ITIH2: variants seen among roughly 807,000 people sequenced by gnomAD.
ITIH2 encodes the protein inter-alpha-trypsin inhibitor heavy chain 2.
ITIH2 carries 103 observed loss-of-function variants against 104.4 expected under a neutral mutation model. The observed-to-expected ratio is 0.99, with a 90% CI of 0.84 to 1.16. The LOEUF (loss-of-function observed/expected upper bound fraction) is 1.16, where lower values mean the gene tolerates loss of function less well. Among genes scored for constraint, ITIH2 ranks in the 50% most tolerant of loss-of-function variants. The pLI, the probability that ITIH2 is intolerant of heterozygous loss-of-function variation, is 0.00. For missense variants in ITIH2, 1,108 were observed against 1,162.4 expected (o/e 0.95, Z 0.68); for synonymous variants, 436 against 435.4 (o/e 1.00, Z -0.02).
At chr10:7,745,434 A>G (rs1835167080) in intron 19 of ITIH2, among the ~76,000 whole-genome samples, 1 of 151,938 alleles carries the variant, frequency 6.6e-6, no homozygotes, top group Non-Finnish European at 1.5e-5. Context: ...TTTACTTACA[A>G]TCCACTAGAC....
chr10:7,709,220 T>C, intron 4 of ITIH2, 29 bp downstream of exon 4: 2 of 1,597,874 alleles, frequency 1.3e-6, no homozygotes, highest in Non-Finnish European at 1.7e-6. Flanking sequence ...GAGCCAGAAA[T>C]TGTAGGTGCT....
intron 13 of ITIH2, 79 bp downstream of exon 13, chr10:7,732,075 C>A: frequency 1.7e-6 from 2 of 1,170,152 alleles, no homozygotes; most frequent in Non-Finnish European, 2.5e-6. Flanking sequence ...GCTCTGCCTG[C>A]CTGGAATCAT....
At chr10:7,730,393 G>A (rs905625364) in intron 12 of ITIH2, among the ~76,000 whole-genome samples, 3 of 152,218 alleles carry the variant, frequency 2.0e-5, no homozygotes, top group Non-Finnish European at 4.4e-5. Flanking sequence ...AAGGCCTTCT[G>A]AGCGTCATCA....
chr10:7,745,019 C>T (rs1049447772), intron 19 of ITIH2, 56 bp downstream of exon 19: 1 of 1,493,664 alleles, frequency 6.7e-7, no homozygotes, highest in Non-Finnish European at 9.3e-7. Context: ...TCTTTAGCAG[C>T]TTTGGTTGAC....
intron 4 of ITIH2, among the ~76,000 whole-genome samples, chr10:7,709,444 G>A (rs1410866902): frequency 2.6e-5 from 4 of 152,006 alleles, no homozygotes; most frequent in African/African-American, 9.7e-5. Context: ...ATACTTACTT[G>A]CATTTTAATA....
At chr10:7,731,656 C>T (rs965157161) in intron 12 of ITIH2, among the ~76,000 whole-genome samples, 155 bp from the exon 13 acceptor site, 9 of 151,928 alleles carry the variant, frequency 5.9e-5, no homozygotes, top group South Asian at 2.1e-4. Context: ...ACCCAGGAGC[C>T]GGAGATTGCA....
intron 15 of ITIH2, among the ~76,000 whole-genome samples, chr10:7,736,599 T>C (rs2130959384): frequency 6.6e-6 from 1 of 152,260 alleles, no homozygotes; most frequent in South Asian, 2.1e-4. Flanking sequence ...CTGAACCTGG[T>C]CTGATTAATA....
At chr10:7,738,878 C>G in intron 16 of ITIH2, 120 bp downstream of exon 16, 5 of 914,530 alleles carry the variant, frequency 5.5e-6, no homozygotes, top group Non-Finnish European at 7.9e-6. Flanking sequence ...TTTGGGAGGC[C>G]AAGGCAGGCA....
intron 19 of ITIH2, among the ~76,000 whole-genome samples, chr10:7,745,785 T>C (rs905495170): frequency 2.0e-5 from 3 of 150,922 alleles, no homozygotes; most frequent in Non-Finnish European, 3.0e-5. Context: ...ATGGAGTTTC[T>C]CTCTTGTTGC....
chr10:7,736,710 C>T (rs971527305), intron 15 of ITIH2, among the ~76,000 whole-genome samples: 1 of 152,078 alleles, frequency 6.6e-6, no homozygotes, highest in Admixed American at 6.5e-5. Context: ...TAATCTCTTA[C>T]TGGGAAAAAT....
intron 5 of ITIH2, among the ~76,000 whole-genome samples, chr10:7,715,708 G>C (rs1386991805): frequency 6.6e-6 from 1 of 152,158 alleles, no homozygotes; most frequent in Non-Finnish European, 1.5e-5. Flanking sequence ...CCCTTAGGCT[G>C]ATTGTGCAAC....
intron 11 of ITIH2, among the ~76,000 whole-genome samples, chr10:7,728,776 G>A (rs779576605): frequency 8.6e-5 from 13 of 152,032 alleles, no homozygotes; most frequent in African/African-American, 2.7e-4. Flanking sequence ...GTGTGCTGTC[G>A]TACAGACTAG....
intron 16 of ITIH2, 46 bp downstream of exon 16, chr10:7,738,804 T>C (rs747145746): frequency 6.6e-7 from 1 of 1,523,406 alleles, no homozygotes; most frequent in South Asian, 1.3e-5. Flanking sequence ...CAGCCGACCA[T>C]AATCCTGGGA....
intron 2 of ITIH2, among the ~76,000 whole-genome samples, chr10:7,705,567 T>C (rs771995259): frequency 6.6e-6 from 1 of 151,976 alleles, no homozygotes; most frequent in Non-Finnish European, 1.5e-5. Flanking sequence ...ATATATTAGC[T>C]GGCATGCACC....
chr10:7,744,521 A>T (rs1346853621), intron 18 of ITIH2, among the ~76,000 whole-genome samples: 1 of 152,210 alleles, frequency 6.6e-6, no homozygotes, highest in Non-Finnish European at 1.5e-5. Flanking sequence ...CTCACTGTGT[A>T]TGTGCTAATC....
rs111264192 is a variant in ITIH2 at position 7,720,930 on chromosome 10, T to C, written c.705T>C (p.Asp235=). Residue 235 remains aspartate, a synonymous_variant, in exon 7 of 21, where the codon GAT becomes GAC. Coordinates refer to ENST00000358415, the MANE Select transcript of ITIH2 (RefSeq NM_002216.3). ...CCGACACATTTGAAGGCCATTTCGA[T>C]GGTGTTCCGGTCATTTCTAAAGGAC... is the stretch of plus-strand genomic sequence containing the variant. The part of the protein sequence containing the change: ...HVPDTFEGHF[D]GVPVISKGQQ... The C allele has an allele frequency of 6.2e-7, 1 of 1,613,618 alleles. No individual in the cohort carries two copies. Among genetic ancestry groups the C allele is most frequent in the Non-Finnish European group, 8.5e-7 (1 of 1,179,532 alleles).
intron 1 of ITIH2, among the ~76,000 whole-genome samples, chr10:7,704,582 A>G (rs1173581758): frequency 1.3e-5 from 2 of 152,154 alleles, no homozygotes; most frequent in Non-Finnish European, 2.9e-5. Flanking sequence ...CTGTCTTACC[A>G]CCTGCTGGCA....
chr10:7,733,850 C>T (rs908975049), intron 14 of ITIH2, among the ~76,000 whole-genome samples: 9 of 151,930 alleles, frequency 5.9e-5, no homozygotes, highest in Admixed American at 5.3e-4. Flanking sequence ...TATGACTGAA[C>T]TCATAGAGAA....
At position 7,738,724 on chromosome 10, in the gene ITIH2, G is replaced by T. The variant is rs772058865; in HGVS notation, c.2061G>T (p.Val687=). The T allele has an allele frequency of 1.1e-5, 17 of 1,613,224 alleles. 1 individual carries two copies. In the South Asian group the frequency reaches 1.6e-4, roughly 16 times the overall value. ...VISMLAQGSQ[V]LESTPPPHVM... The stretch of plus-strand genomic sequence containing the variant: ...CCATGCTGGCACAAGGATCTCAGGT[G>T]CTAGAGTCCACGCCACCCCCACATG... The change falls in exon 16 of 21, where the codon GTG becomes GTT. Residue 687 remains valine, a synonymous_variant. Transcript: ENST00000358415.
Sources: gnomAD v4.1 joint callset for allele counts (sites outside exome capture counted in the v4.1 genomes callset) on GRCh38, gnomAD v4.1.1 for gene constraint, MANE v1.5 for transcripts, NCBI Gene and HGNC (gene_info 2026-07-23, HGNC 2026-07-21) for gene names.